Variants in DEFB134 observed in about 807,000 individuals in gnomAD.
The protein encoded by DEFB134 is defensin beta 134.
Under a neutral mutation model 7.4 loss-of-function variants are expected in DEFB134, and 7 were observed. That is an observed-to-expected ratio of 0.95 (90% confidence interval 0.54 to 1.79). The LOEUF is 1.79. DEFB134 is among the 40% of genes most tolerant of loss of function. The probability of loss-of-function intolerance (pLI) is 0.00; values close to 1 mark genes in which losing one functional copy is unlikely to be tolerated. For synonymous variants in DEFB134, 33 were observed against 25.0 expected (o/e 1.32, Z -0.96); for missense variants, 105 against 74.8 (o/e 1.40, Z -1.49).
upstream of DEFB134, among the ~76,000 whole-genome samples, chr8:11,998,382 T>A (rs114616530): frequency 0.033 from 5,073 of 151,570 alleles, 276 homozygotes; most frequent in African/African-American, 0.12. Flanking sequence ...GCCTAAGGGG[T>A]TGGGACTACA....
chr8:11,998,373 C>T (rs1175338365), upstream of DEFB134, among the ~76,000 whole-genome samples: 2 of 151,652 alleles, frequency 1.3e-5, no homozygotes, highest in Non-Finnish European at 2.9e-5. Flanking sequence ...ATTGCTTGCG[C>T]CTAAGGGGTT....
chr8:11,999,165 G>C (rs966099377), upstream of DEFB134: 1 of 180,028 alleles, frequency 5.6e-6, no homozygotes, highest in Non-Finnish European at 1.3e-5. Flanking sequence ...GGGGTGCCTG[G>C]TCATATCATG....
chr8:11,995,185 T>C (rs1563113928), intron 1 of DEFB134, among the ~76,000 whole-genome samples: 1 of 152,222 alleles, frequency 6.6e-6, no homozygotes, highest in Non-Finnish European at 1.5e-5. Flanking sequence ...TGACAAGTTA[T>C]GAGAATGCAA....
chr8:12,000,233 C>CT (rs756551872), upstream of DEFB134, among the ~76,000 whole-genome samples: 40 of 151,386 alleles, frequency 2.6e-4, no homozygotes, highest in East Asian at 3.7e-3. Flanking sequence ...GCACCCATTC[C>CT]TTTTTTTTTC....
chr8:11,996,594 TA>T (rs1032936743), upstream of DEFB134, among the ~76,000 whole-genome samples: 1 of 152,222 alleles, frequency 6.6e-6, no homozygotes, highest in Non-Finnish European at 1.5e-5. Context: ...TTTGTTCCAA[TA>T]AAAATGTAAT....
At chr8:11,997,377 A>G (rs1484394618), upstream of DEFB134, among the ~76,000 whole-genome samples, 1 of 152,222 alleles carries the variant, frequency 6.6e-6, no homozygotes, top group African/African-American at 2.4e-5. Flanking sequence ...TGCTATGGAC[A>G]TTCATGTACA....
At chr8:11,993,807 C>G in exon 2 of DEFB134, 2 of 814,216 alleles carry the variant, frequency 2.5e-6, no homozygotes, top group Non-Finnish European at 3.5e-6. Flanking sequence ...AAGAAGGCTA[C>G]AGCTCAGCTC....
upstream of DEFB134, among the ~76,000 whole-genome samples, chr8:11,998,450 TAA>T (rs35767374): frequency 1.2e-4 from 18 of 149,232 alleles, no homozygotes; most frequent in African/African-American, 3.2e-4. Flanking sequence ...GACGCTGTCT[TAA>T]AAAAAAAATA....
At chr8:11,995,094 G>A (rs771261363) in intron 1 of DEFB134, among the ~76,000 whole-genome samples, 4 of 152,156 alleles carry the variant, frequency 2.6e-5, no homozygotes, top group African/African-American at 4.8e-5. Context: ...CAAGACAGAA[G>A]CCCTAGAGGA....
At chr8:11,994,795 A>T (rs1800073757) in intron 1 of DEFB134, among the ~76,000 whole-genome samples, 1 of 152,208 alleles carries the variant, frequency 6.6e-6, no homozygotes. Flanking sequence ...AGATTTGAGT[A>T]TGATATAGAC....
chr8:11,996,407 C>A, upstream of DEFB134: 2 of 631,048 alleles, frequency 3.2e-6, no homozygotes, highest in South Asian at 2.9e-5. Context: ...ACCCCTGAGG[C>A]AGCCGTGTTG....
upstream of DEFB134, among the ~76,000 whole-genome samples, chr8:11,997,926 C>T (rs1800168794): frequency 6.6e-6 from 1 of 152,172 alleles, no homozygotes; most frequent in Non-Finnish European, 1.5e-5. Flanking sequence ...ACATTCTTGT[C>T]ATCTGTACAT....
At chr8:11,996,423 G>A, upstream of DEFB134, 1 of 512,474 alleles carries the variant, frequency 2.0e-6, no homozygotes, top group Non-Finnish European at 3.3e-6. Flanking sequence ...TGTTGGCAAT[G>A]CTCATCTGAG....
At chr8:11,996,421 A>G (rs1202721506), upstream of DEFB134, 2 of 530,144 alleles carry the variant, frequency 3.8e-6, no homozygotes, top group Non-Finnish European at 6.4e-6. Context: ...CGTGTTGGCA[A>G]TGCTCATCTG....
rs752460218 is a variant in DEFB134, at chr8:11,996,291, G to C, written c.-40C>G. On this transcript the variant is annotated 5_prime_UTR_variant, in exon 1 of 2. It introduces an in-frame stop codon into an upstream open reading frame of the 5' UTR. Coordinates refer to ENST00000526438, the Ensembl canonical transcript of DEFB134. ...GTTAAGGAGGCTAGTGGCAGGGTCTGACATCGGCTGTCAGGGAACAGAGAG... is the reference window on the plus strand; with the variant it reads ...GTTAAGGAGGCTAGTGGCAGGGTCTCACATCGGCTGTCAGGGAACAGAGAG... The C allele has an allele frequency of 1.9e-5, 31 of 1,608,534 alleles. No homozygotes were observed. The highest frequency in any genetic ancestry group is 2.6e-5 in the Non-Finnish European group (30 of 1,175,330).
At chr8:11,994,052 A>G in exon 2 of DEFB134, 1 of 1,612,494 alleles carries the variant, frequency 6.2e-7, no homozygotes. Context: ...TTTCACTCTC[A>G]TAGCATTCAA....
upstream of DEFB134, chr8:11,996,388 A>T: frequency 1.2e-6 from 1 of 841,540 alleles, no homozygotes; most frequent in Non-Finnish European, 1.9e-6. Context: ...TAGATATGCT[A>T]CACTGAACAC....
At chr8:11,998,620 TCAC>T (rs1177352274), upstream of DEFB134, among the ~76,000 whole-genome samples, 1 of 151,718 alleles carries the variant, frequency 6.6e-6, no homozygotes, top group East Asian at 1.9e-4. Flanking sequence ...GAACCTAACA[TCAC>T]ACTTAGAAGA....
At chr8:11,994,817 T>A (rs947380183) in intron 1 of DEFB134, among the ~76,000 whole-genome samples, 3 of 152,206 alleles carry the variant, frequency 2.0e-5, no homozygotes, top group Admixed American at 6.5e-5. Context: ...TTAACCTCAA[T>A]GAATTTTCAT....
Sources: allele counts gnomAD v4.1 joint callset (sites outside exome capture counted in the v4.1 genomes callset), GRCh38; gene constraint gnomAD v4.1.1; transcripts MANE v1.5; gene names NCBI Gene and HGNC (gene_info 2026-07-23, HGNC 2026-07-21).